Variants in LANCL3 observed in about 807,000 individuals in gnomAD.
LANCL3 encodes the protein LanC like family member 3, also known as lanC-like protein 3.
A neutral mutation model predicts 26.5 loss-of-function variants in LANCL3; 19 were observed. That is an observed-to-expected ratio of 0.72 (90% CI 0.50 to 1.05). The LOEUF is 1.05. Ranked by LOEUF, LANCL3 falls within the 50% of genes least tolerant of loss-of-function variation. The pLI is 0.00. For synonymous variants in LANCL3, 160 were observed against 166.6 expected, an observed-to-expected ratio of 0.96 and a Z score of 0.30; for missense variants, 318 against 362.7, an observed-to-expected ratio of 0.88 and a Z score of 1.00.
intron 1 of LANCL3, among the ~76,000 whole-genome samples, chrX:37,621,921 T>C (rs782266679): frequency 9.0e-6 from 1 of 111,555 alleles, no homozygotes; most frequent in African/African-American, 3.3e-5. Context: ...CATACACCTC[T>C]CCCTGGTGCC....
At chrX:37,580,830 A>G (rs1457279127) in intron 1 of LANCL3, among the ~76,000 whole-genome samples, 1 of 111,613 alleles carries the variant, frequency 9.0e-6, no homozygotes, top group Non-Finnish European at 1.9e-5. Flanking sequence ...AACATGGGCA[A>G]CATTATTATC....
intron 1 of LANCL3, among the ~76,000 whole-genome samples, chrX:37,624,170 G>A (rs921400209): frequency 1.8e-5 from 2 of 111,362 alleles, no homozygotes; most frequent in Admixed American, 9.5e-5. Context: ...AAGAGGTAGC[G>A]CCTGTTGACC....
chrX:37,679,449 C>T lies in LANCL3; in HGVS notation c.*3636C>T, dbSNP rs1216085329. 1.8e-5 allele frequency: 2 copies of T among 111,621 alleles called. No individual in the cohort carries two copies. Among genetic ancestry groups the T allele is most frequent in the African/African-American group, 6.5e-5 (2 of 30,740 alleles). The allele number at this position is 111,621 out of a possible 1,213,427, so 9.2% of individuals were successfully genotyped here. A position where few individuals can be genotyped will look rare whatever the true frequency, so the allele number is the denominator to read the frequency against. On this transcript the variant is annotated 3_prime_UTR_variant, in exon 5 of 5. Coordinates refer to ENST00000378619, the MANE Select transcript of LANCL3 (RefSeq NM_001170331.2). The stretch of plus-strand genomic sequence containing the variant: ...AATAGACTGATTTAGCTCAGGAGCT[C>T]CTTTTAATGCAAATATTTATTTTGC...
At chrX:37,579,734 C>A (rs1923846777) in intron 1 of LANCL3, among the ~76,000 whole-genome samples, 1 of 111,043 alleles carries the variant, frequency 9.0e-6, no homozygotes. Context: ...ATGTATATAT[C>A]TTTTCATATA....
chrX:37,613,472 A>G (rs1347000212), intron 1 of LANCL3, among the ~76,000 whole-genome samples: 2 of 112,041 alleles, frequency 1.8e-5, no homozygotes, highest in Non-Finnish European at 3.8e-5. Flanking sequence ...TATTGGTTAA[A>G]TGTGCATACT....
chrX:37,632,060 G>T (rs1488117854), intron 1 of LANCL3, among the ~76,000 whole-genome samples: 8 of 111,080 alleles, frequency 7.2e-5, no homozygotes, highest in African/African-American at 2.0e-4. Context: ...GGGTGTTAAA[G>T]TCTCCCATTA....
At chrX:37,640,964 G>A (rs1426452788) in intron 1 of LANCL3, among the ~76,000 whole-genome samples, 1 of 111,538 alleles carries the variant, frequency 9.0e-6, no homozygotes, top group Non-Finnish European at 1.9e-5. Context: ...AGGGGATGCA[G>A]ATGGTGGTGG....
intron 1 of LANCL3, among the ~76,000 whole-genome samples, chrX:37,593,430 A>G (rs1423011621): frequency 1.8e-5 from 2 of 112,420 alleles, no homozygotes; most frequent in Non-Finnish European, 3.8e-5. Context: ...CCATGTTAAC[A>G]GATTAATATA....
intron 1 of LANCL3, among the ~76,000 whole-genome samples, chrX:37,642,799 GAT>G (rs1329911116): frequency 8.9e-6 from 1 of 111,800 alleles, no homozygotes; most frequent in Admixed American, 9.5e-5. Flanking sequence ...TAATAAAACT[GAT>G]ATTCAGTTAG....
intron 1 of LANCL3, among the ~76,000 whole-genome samples, chrX:37,611,688 C>T (rs1163936956): frequency 8.9e-6 from 1 of 111,921 alleles, no homozygotes; most frequent in Admixed American, 9.4e-5. Context: ...AAGCAACATA[C>T]TGAGGAGCTT....
At chrX:37,608,696 GA>G (rs1468685600) in intron 1 of LANCL3, among the ~76,000 whole-genome samples, 3 of 111,815 alleles carry the variant, frequency 2.7e-5, no homozygotes, top group Non-Finnish European at 3.8e-5. Context: ...ACCCACTGGG[GA>G]CAATGATTAA....
intron 1 of LANCL3, among the ~76,000 whole-genome samples, chrX:37,637,576 A>G (rs1008779278): frequency 9.0e-6 from 1 of 111,546 alleles, no homozygotes; most frequent in East Asian, 2.8e-4. Flanking sequence ...TTTTGTGCCT[A>G]TAGTCCACCA....
chrX:37,618,162 A>G (rs1925059827), intron 1 of LANCL3, among the ~76,000 whole-genome samples: 1 of 112,086 alleles, frequency 8.9e-6, no homozygotes, highest in African/African-American at 3.2e-5. Flanking sequence ...AAGGTCCCTC[A>G]TTTGGCCCCA....
At chrX:37,660,207 C>T (rs1408291509) in intron 3 of LANCL3, among the ~76,000 whole-genome samples, 1 of 111,071 alleles carries the variant, frequency 9.0e-6, no homozygotes, top group African/African-American at 3.3e-5. Flanking sequence ...AAAATGTGGC[C>T]CCTGGAACCA....
intron 1 of LANCL3, among the ~76,000 whole-genome samples, chrX:37,655,252 A>C (rs1337407225): frequency 2.7e-5 from 3 of 112,311 alleles, no homozygotes; most frequent in African/African-American, 9.7e-5. Context: ...AGTCTTTATA[A>C]GCACAGTCTA....
intron 1 of LANCL3, among the ~76,000 whole-genome samples, chrX:37,626,441 A>G (rs1925316829): frequency 8.9e-6 from 1 of 112,163 alleles, no homozygotes; most frequent in Admixed American, 9.5e-5. Flanking sequence ...CTGAGGGAGG[A>G]AGCAAACCAT....
At chrX:37,592,682 C>T (rs1310066309) in intron 1 of LANCL3, among the ~76,000 whole-genome samples, 6 of 110,416 alleles carry the variant, frequency 5.4e-5, no homozygotes, top group Non-Finnish European at 1.1e-4. Context: ...AATAAATGTC[C>T]CTGAAAGTTC....
Position 37,674,641 on chromosome X carries a change from T to A in LANCL3, c.1104-1013T>A, listed in dbSNP as rs1278847769. On this transcript the variant is annotated intron_variant, in intron 4 of 4. Transcript: ENST00000378619. ...TTTTAAATTCCATTTTAAAATTGTT[T>A]CATATTCAGGAAAACAGTTATAGAA... Among the ~76,000 whole-genome samples, 3 of 111,991 alleles carry A rather than the reference T, an allele frequency of 2.7e-5. No homozygotes were observed. In the East Asian group the frequency reaches 8.3e-4, roughly 31 times the overall value.
chrX:37,572,279 G>T lies in LANCL3; in HGVS notation c.409G>T (p.Ala137Ser). ...CGCCGTGGCCACGCTCGTATACCAC[G>T]CCCTGGGCCGGTCCGACTACGTGCA... ...VYAVATLVYH[A>S]LGRSDYVQPL... The change falls in exon 1 of 5, where the codon GCC becomes TCC. Residue 137 changes from alanine (A) to serine (S), a missense_variant. Transcript: ENST00000378619. 8.7e-7 allele frequency: 1 copy of T among 1,155,389 alleles called. No homozygotes were observed. The highest frequency in any genetic ancestry group is 3.3e-5 in the East Asian group (1 of 30,759).
Sources: gnomAD v4.1 joint callset for allele counts (sites outside exome capture counted in the v4.1 genomes callset) on GRCh38, gnomAD v4.1.1 for gene constraint, MANE v1.5 for transcripts, NCBI Gene and HGNC (gene_info 2026-07-23, HGNC 2026-07-21) for gene names.